The following GLB1L3 variants were observed in gnomAD, a reference collection of about 807,000 sequenced individuals.
GLB1L3 encodes the protein beta-galactosidase-1-like protein 3.
GLB1L3 carries 89 observed loss-of-function variants against 89.5 expected under a neutral mutation model. The observed-to-expected ratio is 0.99, with a 90% confidence interval of 0.84 to 1.19. The LOEUF (loss-of-function observed/expected upper bound fraction) is 1.19, where lower values mean the gene tolerates loss of function less well. Among genes scored for constraint, GLB1L3 ranks in the 50% most tolerant of loss-of-function variants. The pLI is 0.00. For missense variants in GLB1L3, 812 were observed against 813.3 expected (o/e 1.00, Z 0.02); for synonymous variants, 314 against 312.3 (o/e 1.01, Z -0.06).
At chr11:134,299,004 CTTT>C in intron 9 of GLB1L3, among the ~76,000 whole-genome samples, 1 of 152,236 alleles carries the variant, frequency 6.6e-6, no homozygotes, top group Middle Eastern at 3.4e-3. Context: ...TTCCCACTGT[CTTT>C]TTTTCTCTTT....
intron 6 of GLB1L3, among the ~76,000 whole-genome samples, 188 bp from the exon 7 acceptor site, chr11:134,288,610 C>T (rs534482028): frequency 9.2e-5 from 14 of 152,222 alleles, no homozygotes; most frequent in African/African-American, 3.4e-4. Flanking sequence ...CTAGGGAAGG[C>T]GGCTCCCACA....
At chr11:134,300,034 A>G (rs1941858837) in intron 9 of GLB1L3, among the ~76,000 whole-genome samples, 1 of 152,154 alleles carries the variant, frequency 6.6e-6, no homozygotes, top group Non-Finnish European at 1.5e-5. Flanking sequence ...CTCTCCCCTC[A>G]GCCAGCACCA....
intron 6 of GLB1L3, among the ~76,000 whole-genome samples, chr11:134,287,565 TC>T (rs1941087995): frequency 6.6e-6 from 1 of 152,246 alleles, no homozygotes; most frequent in African/African-American, 2.4e-5. Flanking sequence ...GTCTCACCCT[TC>T]GGGTTGGAGA....
chr11:134,285,016 C>T (rs550124494), intron 6 of GLB1L3, among the ~76,000 whole-genome samples: 9 of 150,816 alleles, frequency 6.0e-5, no homozygotes, highest in African/African-American at 2.2e-4. Flanking sequence ...GCAACCTCCA[C>T]CTCCTGGGTT....
chr11:134,278,169 T>C (rs1358174118), intron 3 of GLB1L3, among the ~76,000 whole-genome samples: 1 of 152,208 alleles, frequency 6.6e-6, no homozygotes, highest in Non-Finnish European at 1.5e-5. Context: ...TCTGTCTGTC[T>C]AATGAAGGAA....
chr11:134,280,160 C>T (rs1769644159), intron 3 of GLB1L3, among the ~76,000 whole-genome samples: 1 of 151,524 alleles, frequency 6.6e-6, no homozygotes, highest in African/African-American at 2.4e-5. Context: ...TGGGAATACG[C>T]TTTCTGTTTT....
chr11:134,289,990 G>C (rs917474031), intron 7 of GLB1L3, among the ~76,000 whole-genome samples: 1 of 152,252 alleles, frequency 6.6e-6, no homozygotes, highest in Non-Finnish European at 1.5e-5. Flanking sequence ...GCTGGAGGCC[G>C]GGGCGGGAAG....
chr11:134,302,519 T>G lies in GLB1L3; in HGVS notation c.877-4605T>G, dbSNP rs924884227. Reference sequence around the variant, plus strand: ...ATAACACTGATAATATTACTGAAAATAAGAAAAATCTAATGATCTTAAAGA... The same window carrying G: ...ATAACACTGATAATATTACTGAAAAGAAGAAAAATCTAATGATCTTAAAGA... On this transcript the variant is annotated intron_variant, in intron 9 of 19. Coordinates refer to ENST00000431683, the MANE Select transcript of GLB1L3 (RefSeq NM_001080407.3). Among the ~76,000 whole-genome samples, 7 of 152,254 alleles carry G rather than the reference T, an allele frequency of 4.6e-5. No individual in the cohort carries two copies. The South Asian group carries it at 8.3e-4, about 18-fold the overall frequency.
upstream of GLB1L3, chr11:134,276,017 T>G (rs1217428554): frequency 6.6e-6 from 1 of 152,424 alleles, no homozygotes; most frequent in African/African-American, 2.4e-5. Context: ...CCCACTGTCT[T>G]CTGGAAGGGT....
chr11:134,308,556 T>TAC (rs1942511610), intron 10 of GLB1L3, among the ~76,000 whole-genome samples: 1 of 57,536 alleles, frequency 1.7e-5, no homozygotes, highest in African/African-American at 9.7e-5. Flanking sequence ...ACCATCACCA[T>TAC]CACCACCACC....
intron 18 of GLB1L3, 93 bp from the exon 19 acceptor site, chr11:134,318,538 G>A: frequency 2.7e-6 from 2 of 729,324 alleles, no homozygotes; most frequent in Non-Finnish European, 2.4e-6. Flanking sequence ...GTGCCATAAA[G>A]TATCTCAATC....
At chr11:134,277,640 G>C in intron 2 of GLB1L3, 60 bp from the exon 3 acceptor site, 2 of 1,552,684 alleles carry the variant, frequency 1.3e-6, no homozygotes, top group Non-Finnish European at 8.8e-7. Context: ...CCGTGCCTCC[G>C]AGCCCTCTCC....
chr11:134,312,274 A>G (rs963180849), intron 13 of GLB1L3, 75 bp from the exon 14 acceptor site: 1 of 1,544,224 alleles, frequency 6.5e-7, no homozygotes, highest in Non-Finnish European at 8.8e-7. Context: ...GGCAGGACCA[A>G]ATGACAGGGT....
intron 3 of GLB1L3, among the ~76,000 whole-genome samples, chr11:134,280,820 C>CA (rs1457293960): frequency 6.6e-6 from 1 of 152,150 alleles, no homozygotes; most frequent in East Asian, 1.9e-4. Context: ...GCATAACACT[C>CA]AAACATGTTG....
chr11:134,321,792 A>G (rs1306628316), downstream of GLB1L3, among the ~76,000 whole-genome samples: 1 of 152,128 alleles, frequency 6.6e-6, no homozygotes, highest in African/African-American at 2.4e-5. Flanking sequence ...GTTGGGAGGG[A>G]TAGCATTAGG....
At chr11:134,285,132 G>A (rs1249561613) in intron 6 of GLB1L3, among the ~76,000 whole-genome samples, 1 of 151,914 alleles carries the variant, frequency 6.6e-6, no homozygotes, top group Middle Eastern at 3.2e-3. Context: ...GTTTCACTGT[G>A]TTAGCCAGGA....
rs1430556170 is a variant in GLB1L3 at position 134,296,583 on chromosome 11, A to G, written c.876+3374A>G. ...TGGAAATCATCATTCTCAGTAAACT[A>G]TCTCAAGAACAAAAAACCAAACACC... On this transcript the variant is annotated intron_variant, in intron 9 of 19. Transcript: ENST00000431683. 2.0e-5 allele frequency among the ~76,000 whole-genome samples: 3 copies of G among 147,254 alleles called. No individual in the cohort carries two copies. The Admixed American group carries it at 2.0e-4, about 10-fold the overall frequency.
At chr11:134,283,976 T>C in intron 6 of GLB1L3, 131 bp downstream of exon 6, 1 of 644,178 alleles carries the variant, frequency 1.6e-6, no homozygotes, top group Non-Finnish European at 2.8e-6. Context: ...AACCTTGAGT[T>C]CTGGACCCTT....
intron 6 of GLB1L3, among the ~76,000 whole-genome samples, chr11:134,285,913 T>G (rs992864174): frequency 1.4e-4 from 21 of 151,088 alleles, no homozygotes; most frequent in South Asian, 2.1e-4. Flanking sequence ...GTTCTGTTTT[T>G]TTTTTTTTTT....
Sources: gnomAD v4.1 joint callset for allele counts (sites outside exome capture counted in the v4.1 genomes callset) on GRCh38, gnomAD v4.1.1 for gene constraint, MANE v1.5 for transcripts, NCBI Gene and HGNC (gene_info 2026-07-23, HGNC 2026-07-21) for gene names.